The following CHTF8 variants were observed in gnomAD, a reference collection of about 807,000 sequenced individuals.
CHTF8 encodes chromosome transmission fidelity factor 8.
Under a neutral mutation model 11.0 loss-of-function variants are expected in CHTF8, and 6 were observed. The ratio of observed to expected loss-of-function variants is 0.55; its 90% confidence interval spans 0.30 to 1.08. The LOEUF (loss-of-function observed/expected upper bound fraction) is 1.08. Ranked by LOEUF, CHTF8 falls within the 50% of genes least tolerant of loss-of-function variation. The pLI, the probability that CHTF8 is intolerant of heterozygous loss-of-function variation, is 0.07. For synonymous variants in CHTF8, 53 were observed against 60.5 expected, an observed-to-expected ratio of 0.88 and a Z score of 0.57; for missense variants, 140 against 153.1, an observed-to-expected ratio of 0.91 and a Z score of 0.45.
Position 69,120,262 on chromosome 16 carries a change from C to G in CHTF8, c.*163G>C, listed in dbSNP as rs1264732275. ...TGGGGTCAGATTTCCACCAAGAGAA[C>G]CGGCCGCCATAAGGAAGGGATCCGA... On this transcript the variant is annotated 3_prime_UTR_variant, in exon 4 of 4. Transcript: ENST00000448552. This position sits in a 1 kb window ranked among gnomAD's most constrained non-coding sequence, Gnocchi z 4.0. The G allele has an allele frequency of 1.4e-6, 1 of 728,326 alleles. No homozygotes were observed. The allele number at this position is 728,326 out of a possible 1,614,324, so 45.1% of individuals were successfully genotyped here.
chr16:69,131,795 G>A (rs1767318376), intron 1 of CHTF8, among the ~76,000 whole-genome samples: 1 of 151,138 alleles, frequency 6.6e-6, no homozygotes, highest in Admixed American at 6.6e-5. Flanking sequence ...ATTGTTCCCG[G>A]TTCTCAAGTA....
chr16:69,127,632 C>CA (rs1022555349), intron 1 of CHTF8, among the ~76,000 whole-genome samples: 5 of 119,294 alleles, frequency 4.2e-5, no homozygotes, highest in Non-Finnish European at 8.1e-5. Context: ...TTTTGTGAGA[C>CA]AGTGTCTCCC....
intron 1 of CHTF8, among the ~76,000 whole-genome samples, chr16:69,121,710 C>T (rs1961683010): frequency 6.6e-6 from 1 of 151,414 alleles, no homozygotes; most frequent in African/African-American, 2.4e-5. Context: ...CTCTGTCACC[C>T]AGGTTGGAGT....
At chr16:69,126,285 T>G (rs1962050458) in intron 1 of CHTF8, among the ~76,000 whole-genome samples, 1 of 152,150 alleles carries the variant, frequency 6.6e-6, no homozygotes, top group Admixed American at 6.5e-5. Flanking sequence ...TTGAGAAAAA[T>G]GCCGAAATAT....
At chr16:69,125,886 T>C (rs965319502) in intron 1 of CHTF8, among the ~76,000 whole-genome samples, 8 of 152,192 alleles carry the variant, frequency 5.3e-5, no homozygotes, top group Non-Finnish European at 1.0e-4. Flanking sequence ...TATGAAACTA[T>C]TGCAAAGACC....
In CHTF8 at chr16:69,121,482, A is replaced by G. The variant is rs1318401540; in HGVS notation, c.-24T>C. The G allele has an allele frequency of 6.3e-7, 1 of 1,594,816 alleles. No homozygotes were observed. The highest frequency in any genetic ancestry group is 8.5e-7 in the Non-Finnish European group (1 of 1,171,168). On this transcript the variant is annotated 5_prime_UTR_variant, in exon 2 of 4. Transcript: ENST00000448552. ...ATGAGCTTTCTGTCTTTAAAAAGCA[A>G]GTGAAAACAAGCTGTAGAGAGAAAA...
At chr16:69,129,733 T>C (rs1962359407) in intron 1 of CHTF8, among the ~76,000 whole-genome samples, 1 of 152,198 alleles carries the variant, frequency 6.6e-6, no homozygotes, top group Non-Finnish European at 1.5e-5. Flanking sequence ...CCCCCTCCTG[T>C]AAAGCACCTC....
In CHTF8 at chr16:69,121,122, C is replaced by T; in HGVS notation, c.72G>A (p.Gly24=). The change falls in exon 3 of 4, where the codon GGG becomes GGA. Residue 24 remains glycine, a synonymous_variant. Coordinates refer to ENST00000448552, the MANE Select transcript of CHTF8 (RefSeq NM_001039690.5). ...LAEWVLMELQ[G]EIEARYSTGL... ...CAGTGCTGTAGCGAGCCTCGATCTC[C>T]CCCTGTAGCTCCATCAGCACCCATT... 1.2e-6 allele frequency: 2 copies of T among 1,613,714 alleles called. No individual in the cohort carries two copies. The highest frequency in any genetic ancestry group is 1.1e-5 in the South Asian group (1 of 91,060).
chr16:69,128,754 T>C (rs543492539), intron 1 of CHTF8, among the ~76,000 whole-genome samples: 8 of 152,052 alleles, frequency 5.3e-5, no homozygotes, highest in Non-Finnish European at 8.8e-5. Context: ...CTCTCTCTTT[T>C]GAAATTAGTA....
Position 69,120,817 on chromosome 16 carries a change from C to T in CHTF8, c.142-168G>A, listed in dbSNP as rs949527735. On this transcript the variant is annotated intron_variant, in intron 3 of 3. Coordinates refer to ENST00000448552, the MANE Select transcript of CHTF8 (RefSeq NM_001039690.5). This position sits in a 1 kb window ranked among gnomAD's most constrained non-coding sequence, Gnocchi z 4.0. Reference sequence around the variant, plus strand: ...ACCACCCACCCATGTGCCCTTTTTACTTTCTAGCCCCACATAGGAGAATTT... The same window carrying T: ...ACCACCCACCCATGTGCCCTTTTTATTTTCTAGCCCCACATAGGAGAATTT... The T allele has an allele frequency of 5.5e-6, 4 of 724,692 alleles. No individual in the cohort carries two copies. In the East Asian group the frequency reaches 1.1e-4, roughly 19 times the overall value. 44.9% of individuals were successfully genotyped at this position (724,692 alleles called of 1,614,324 possible). A position where few individuals can be genotyped will look rare whatever the true frequency, so the allele number is the denominator to read the frequency against.
chr16:69,128,520 G>A (rs1237227476), intron 1 of CHTF8, among the ~76,000 whole-genome samples: 1 of 152,136 alleles, frequency 6.6e-6, no homozygotes, highest in Non-Finnish European at 1.5e-5. Flanking sequence ...TGATCTTTAT[G>A]GGCCTTCACG....
At chr16:69,122,020 T>G (rs1961710283) in intron 1 of CHTF8, among the ~76,000 whole-genome samples, 1 of 151,454 alleles carries the variant, frequency 6.6e-6, no homozygotes, top group African/African-American at 2.4e-5. Flanking sequence ...ACTCCTGACC[T>G]CGTGATTCAC....
At chr16:69,124,064 A>C (rs540784103) in intron 1 of CHTF8, among the ~76,000 whole-genome samples, 70 of 152,004 alleles carry the variant, frequency 4.6e-4, no homozygotes, top group Non-Finnish European at 8.5e-4. Flanking sequence ...AGATCACACC[A>C]CTGCACTCCA....
At position 69,118,990 on chromosome 16, in the gene CHTF8, C is replaced by T. The variant is rs1057065856; in HGVS notation, c.*1435G>A. 9 of 702,952 alleles carry T rather than the reference C, an allele frequency of 1.3e-5. No homozygotes were observed. The highest frequency in any genetic ancestry group is 2.0e-5 in the Admixed American group (1 of 50,002). The allele number at this position is 702,952 out of a possible 1,614,324, so 43.5% of individuals were successfully genotyped here. A position where few individuals can be genotyped will look rare whatever the true frequency, so the allele number is the denominator to read the frequency against. ...ACTCTTGCCTGCAGGGCCATTCATC[C>T]TTGGAAAGGAAGCTGGGTTGAGACC... On this transcript the variant is annotated 3_prime_UTR_variant, in exon 4 of 4. Transcript: ENST00000448552.
chr16:69,128,674 A>C (rs1962267686), intron 1 of CHTF8, among the ~76,000 whole-genome samples: 1 of 152,236 alleles, frequency 6.6e-6, no homozygotes, highest in South Asian at 2.1e-4. Flanking sequence ...AACCCTACCC[A>C]AAACTAAAAA....
chr16:69,125,902 T>TA (rs1193974674), intron 1 of CHTF8, among the ~76,000 whole-genome samples: 1 of 152,184 alleles, frequency 6.6e-6, no homozygotes, highest in Admixed American at 6.5e-5. Context: ...AGACCAAATA[T>TA]AACATCTGCT....
In CHTF8 at chr16:69,118,474, A is replaced by C; in HGVS notation, c.*1951T>G. On this transcript the variant is annotated 3_prime_UTR_variant, in exon 4 of 4. Coordinates refer to ENST00000448552, the MANE Select transcript of CHTF8 (RefSeq NM_001039690.5). ...CTAGAGAGCAGTGAGCTGATTCTCC[A>C]ATGGTGAGCAGGGGACTACATGTGA... 3 of 1,506,382 alleles carry C rather than the reference A, an allele frequency of 2.0e-6. No homozygotes were observed. Among genetic ancestry groups the C allele is most frequent in the Non-Finnish European group, 2.8e-6 (3 of 1,081,444 alleles). The allele number at this position is 1,506,382 out of a possible 1,614,324, so 93.3% of individuals were successfully genotyped here.
chr16:69,126,231 T>C (rs1028252555), intron 1 of CHTF8, among the ~76,000 whole-genome samples: 4 of 152,230 alleles, frequency 2.6e-5, no homozygotes, highest in Admixed American at 2.6e-4. Flanking sequence ...CAGAGCCTAC[T>C]TCCTGACAAC....
At position 69,132,494 on chromosome 16, in the gene CHTF8, G is replaced by A. The variant is rs1427527989; in HGVS notation, c.-46C>T. 7.5e-6 allele frequency: 2 copies of A among 265,210 alleles called. No homozygotes were observed. The highest frequency in any genetic ancestry group is 6.4e-5 in the South Asian group (2 of 31,358). The allele number at this position is 265,210 out of a possible 1,614,324, so 16.4% of individuals were successfully genotyped here. On this transcript the variant is annotated 5_prime_UTR_variant, in exon 1 of 4. Coordinates refer to ENST00000448552, the MANE Select transcript of CHTF8 (RefSeq NM_001039690.5). ...CGCCCGCGGCCTGACCTGCAATGGC[G>A]GCCGCCGAGCGCGGCGCCGCGCGGC...
Sources: gnomAD v4.1 joint callset for allele counts (sites outside exome capture counted in the v4.1 genomes callset) on GRCh38, gnomAD v4.1.1 for gene constraint, Gnocchi (gnomAD v3.1) non-coding constraint, MANE v1.5 for transcripts, NCBI Gene and HGNC (gene_info 2026-07-23, HGNC 2026-07-21) for gene names.